FAM162B: variants seen among roughly 807,000 people sequenced by gnomAD.
FAM162B encodes the protein family with sequence similarity 162 member B.
Under a neutral mutation model 20.0 loss-of-function variants are expected in FAM162B, and 16 were observed. The observed-to-expected ratio is 0.80, with a 90% confidence interval of 0.54 to 1.21. The LOEUF is 1.21. Ranked by LOEUF, FAM162B falls within the 50% of genes most tolerant of loss-of-function variation. The pLI is 0.00. For synonymous variants in FAM162B, 83 were observed against 89.7 expected (o/e 0.93, Z 0.42); for missense variants, 260 against 227.5 (o/e 1.14, Z -0.92).
chr6:116,765,212 G>C lies in FAM162B; in HGVS notation c.216C>G (p.Phe72Leu). 2.5e-6 allele frequency: 4 copies of C among 1,613,888 alleles called. No individual in the cohort carries two copies. Among genetic ancestry groups the C allele is most frequent in the Non-Finnish European group, 2.5e-6 (3 of 1,179,966 alleles). The change falls in exon 2 of 4, where the codon TTC (phenylalanine) becomes TTG (leucine). Residue 72 changes from phenylalanine to leucine, a missense_variant. Coordinates refer to ENST00000368557, the MANE Select transcript of FAM162B (RefSeq NM_001085480.3). Reference sequence around the variant, plus strand: ...CTGTCCACAGCAGGATTTTCTTGTCGAACTGCGAAGGCCTGCGCTGCGTGG... The same window carrying C: ...CTGTCCACAGCAGGATTTTCTTGTCCAACTGCGAAGGCCTGCGCTGCGTGG... Reference protein sequence around the residue: ...RVPTQRRPSQFDKKILLWTGR... With the variant: ...RVPTQRRPSQLDKKILLWTGR...
intron 2 of FAM162B, among the ~76,000 whole-genome samples, chr6:116,763,943 T>G (rs2114554075): frequency 6.6e-6 from 1 of 152,284 alleles, no homozygotes; most frequent in Non-Finnish European, 1.5e-5. Flanking sequence ...AAAAATAATC[T>G]TAGAAAGTGC....
intron 3 of FAM162B, among the ~76,000 whole-genome samples, chr6:116,755,005 C>T (rs1358322697): frequency 6.6e-6 from 1 of 152,172 alleles, no homozygotes; most frequent in East Asian, 1.9e-4. Flanking sequence ...TTCTCTCCCT[C>T]TCTTTGGGCC....
chr6:116,764,891 G>A (rs752965180), intron 2 of FAM162B, among the ~76,000 whole-genome samples: 1 of 152,198 alleles, frequency 6.6e-6, no homozygotes, highest in Non-Finnish European at 1.5e-5. Flanking sequence ...AATCTGGGCG[G>A]TGCTGGAAGT....
chr6:116,765,409 A>AATTG lies in FAM162B; in HGVS notation c.167_168insCAAT (p.His57AsnfsTer81). On this transcript the variant is annotated frameshift_variant, in exon 1 of 4. Transcript: ENST00000368557. LOFTEE classifies it high-confidence loss of function. ...CCCGTCGGAGCCCTGGCTCACCGTG[A>AATTG]CCTTGGGGCCCAGAATTGCTGGGGG... 1 of 1,458,214 alleles carries AATTG rather than the reference A, an allele frequency of 6.9e-7. No homozygotes were observed. The highest frequency in any genetic ancestry group is 9.1e-7 in the Non-Finnish European group (1 of 1,103,406). The allele number at this position is 1,458,214 out of a possible 1,614,324, so 90.3% of individuals were successfully genotyped here.
intron 2 of FAM162B, among the ~76,000 whole-genome samples, chr6:116,762,431 T>C (rs1256633071): frequency 6.6e-6 from 1 of 152,200 alleles, no homozygotes; most frequent in Non-Finnish European, 1.5e-5. Context: ...ATATGTATGT[T>C]GATGACTTGC....
intron 3 of FAM162B, among the ~76,000 whole-genome samples, chr6:116,752,952 C>T (rs1289104155): frequency 6.6e-6 from 1 of 151,744 alleles, no homozygotes; most frequent in Non-Finnish European, 1.5e-5. Context: ...GTGAGGAAAG[C>T]TATAAGTCCT....
chr6:116,765,342 C>G lies in FAM162B; in HGVS notation c.172+63G>C. 9.8e-6 allele frequency: 15 copies of G among 1,529,310 alleles called. No homozygotes were observed. In the South Asian group the frequency reaches 1.9e-4, roughly 19 times the overall value. 94.7% of individuals were successfully genotyped at this position (1,529,310 alleles called of 1,614,324 possible). On this transcript the variant is annotated intron_variant, in intron 1 of 3. Coordinates refer to ENST00000368557, the MANE Select transcript of FAM162B (RefSeq NM_001085480.3). ...GCCCTCAAGCCGACTCCCGGGCCGG[C>G]CCCTCGCTGCCCTCCCGCAACCTCC...
At chr6:116,762,556 C>T (rs957939010) in intron 2 of FAM162B, among the ~76,000 whole-genome samples, 1 of 151,802 alleles carries the variant, frequency 6.6e-6, no homozygotes, top group African/African-American at 2.4e-5. Flanking sequence ...CTTGTCCCTT[C>T]ACATGCTACC....
chr6:116,758,194 A>G (rs1026159859), intron 3 of FAM162B, among the ~76,000 whole-genome samples: 4 of 152,184 alleles, frequency 2.6e-5, no homozygotes, highest in African/African-American at 9.6e-5. Context: ...AAAGCAAAAT[A>G]TACAGGATTA....
At chr6:116,757,754 CAAAAA>C (rs36020350) in intron 3 of FAM162B, among the ~76,000 whole-genome samples, 3 of 103,208 alleles carry the variant, frequency 2.9e-5, no homozygotes, top group Non-Finnish European at 2.0e-5. Flanking sequence ...CCTCCTCCAC[CAAAAA>C]AAAAAAAAAA....
chr6:116,765,392 A>G lies in FAM162B; in HGVS notation c.172+13T>C. ...CTCCCTCCCAGGACCTCCCCGTCGG[A>G]GCCCTGGCTCACCGTGACCTTGGGG... is the stretch of plus-strand genomic sequence containing the variant. On this transcript the variant is annotated intron_variant, in intron 1 of 3. Coordinates refer to ENST00000368557, the MANE Select transcript of FAM162B (RefSeq NM_001085480.3). 1 of 1,475,842 alleles carries G rather than the reference A, an allele frequency of 6.8e-7. No homozygotes were observed. Among genetic ancestry groups the G allele is most frequent in the Non-Finnish European group, 9.0e-7 (1 of 1,110,578 alleles). The allele number at this position is 1,475,842 out of a possible 1,614,324, so 91.4% of individuals were successfully genotyped here.
At chr6:116,764,512 T>C (rs1341266315) in intron 2 of FAM162B, among the ~76,000 whole-genome samples, 2 of 152,122 alleles carry the variant, frequency 1.3e-5, no homozygotes, top group East Asian at 3.9e-4. Flanking sequence ...GAGTTATTAG[T>C]TTGAGTTTTA....
chr6:116,763,438 T>C (rs963987455), intron 2 of FAM162B, among the ~76,000 whole-genome samples: 1 of 152,154 alleles, frequency 6.6e-6, no homozygotes, highest in Non-Finnish European at 1.5e-5. Flanking sequence ...CTCTCTTAAA[T>C]AGTAATGCTT....
intron 3 of FAM162B, 34 bp from the exon 4 acceptor site, chr6:116,752,729 T>TAG (rs758295955): frequency 8.7e-6 from 5 of 576,892 alleles, no homozygotes; most frequent in Non-Finnish European, 1.0e-5. Context: ...TATATATATA[T>TAG]ATATAGATAC....
At chr6:116,755,966 A>C (rs1279723990) in intron 3 of FAM162B, among the ~76,000 whole-genome samples, 6 of 152,220 alleles carry the variant, frequency 3.9e-5, no homozygotes, top group Non-Finnish European at 8.8e-5. Context: ...CTGGTCACTC[A>C]AAAGTTCTTA....
chr6:116,754,694 CTT>C, intron 3 of FAM162B, among the ~76,000 whole-genome samples: 1 of 151,796 alleles, frequency 6.6e-6, no homozygotes, highest in African/African-American at 2.4e-5. Context: ...CTTTCTTCTT[CTT>C]CTTTTTTTGT....
At chr6:116,754,205 G>A (rs552407805) in intron 3 of FAM162B, among the ~76,000 whole-genome samples, 89 of 152,250 alleles carry the variant, frequency 5.8e-4, no homozygotes, top group African/African-American at 2.1e-3. Flanking sequence ...TGAAGTGCAG[G>A]GAGACCAAAT....
In FAM162B at chr6:116,752,583, T is replaced by C; in HGVS notation, c.*14A>G. 6.6e-7 allele frequency: 1 copy of C among 1,526,676 alleles called. No individual in the cohort carries two copies. 94.6% of individuals were successfully genotyped at this position (1,526,676 alleles called of 1,614,324 possible). A position where few individuals can be genotyped will look rare whatever the true frequency, so the allele number is the denominator to read the frequency against. On this transcript the variant is annotated 3_prime_UTR_variant, in exon 4 of 4. Transcript: ENST00000368557. ...AGGGATGGTATTCAGGTGAACACTT[T>C]GTCACTTAGAATATCATTTAGCTTT... is the stretch of plus-strand genomic sequence containing the variant.
In FAM162B at chr6:116,765,322, C is replaced by T. The variant is rs533960651; in HGVS notation, c.173-67G>A. On this transcript the variant is annotated intron_variant, in intron 1 of 3. Transcript: ENST00000368557. ...CCGGCACAGAGGATCAGCGCGCCCT[C>T]AAGCCGACTCCCGGGCCGGCCCCTC... The T allele has an allele frequency of 2.6e-3, 4,038 of 1,566,826 alleles. 11 individuals are homozygous for T. The highest frequency in any genetic ancestry group is 2.8e-3 in the Non-Finnish European group (3,217 of 1,153,414).
Sources: allele counts gnomAD v4.1 joint callset (sites outside exome capture counted in the v4.1 genomes callset), GRCh38; gene constraint gnomAD v4.1.1; transcripts MANE v1.5; gene names NCBI Gene and HGNC (gene_info 2026-07-23, HGNC 2026-07-21).